Variants in ADGRL2 observed in about 807,000 individuals in gnomAD.
ADGRL2 encodes adhesion G protein-coupled receptor L2.
A neutral mutation model predicts 157.4 loss-of-function variants in ADGRL2; 44 were observed. The ratio of observed to expected loss-of-function variants is 0.28; its 90% CI spans 0.22 to 0.36. The LOEUF (loss-of-function observed/expected upper bound fraction) is 0.36. ADGRL2 is among the 10% of genes least tolerant of loss of function. The pLI is 1.00. For synonymous variants in ADGRL2, 585 were observed against 624.7 expected (o/e 0.94, Z 0.95); for missense variants, 1,510 against 1,768.9 (o/e 0.85, Z 2.63).
chr1:81,911,714 T>C lies in ADGRL2; in HGVS notation c.287+4484T>C, dbSNP rs1405933809. ...TGTGAGTTTCACATGCATAGTTAGG[T>C]CTTTTGCAAAGCAATTCGTAGACAT... On this transcript the variant is annotated intron_variant, in intron 3 of 23. Transcript: ENST00000686636. Among the ~76,000 whole-genome samples the C allele has an allele frequency of 2.0e-5, 3 of 152,304 alleles. No individual in the cohort carries two copies. The East Asian group carries it at 5.8e-4, about 29-fold the overall frequency.
intron 1 of ADGRL2, among the ~76,000 whole-genome samples, chr1:81,744,821 C>T (rs1320388201): frequency 1.3e-5 from 2 of 152,124 alleles, no homozygotes; most frequent in Non-Finnish European, 2.9e-5. Flanking sequence ...TCTAAATTGC[C>T]TCTATTTCCA....
At chr1:81,936,271 A>G (rs1173431091) in intron 3 of ADGRL2, among the ~76,000 whole-genome samples, 1 of 151,910 alleles carries the variant, frequency 6.6e-6, no homozygotes, top group African/African-American at 2.4e-5. Context: ...TGTGTTGTCA[A>G]AAACTTCCTG....
chr1:81,861,259 G>A (rs920467685), intron 2 of ADGRL2, among the ~76,000 whole-genome samples: 3 of 152,070 alleles, frequency 2.0e-5, no homozygotes, highest in Non-Finnish European at 2.9e-5. Context: ...GACCTCAGAT[G>A]ATCCACCCAC....
At chr1:81,319,656 T>C (rs1377272553) in intron 1 of ADGRL2, among the ~76,000 whole-genome samples, 2 of 152,250 alleles carry the variant, frequency 1.3e-5, no homozygotes, top group Non-Finnish European at 2.9e-5. Context: ...AAAATAATTG[T>C]AAGTCAAATT....
intron 1 of ADGRL2, among the ~76,000 whole-genome samples, chr1:81,747,701 TTGTGTGTGTGTGTGTGTG>T (rs10556401): frequency 2.0e-5 from 3 of 147,254 alleles, no homozygotes; most frequent in South Asian, 2.2e-4. Context: ...CCTTTAATGT[TTGTGTGTGTGTGTGTGTG>T]TGTGTGTGTG....
chr1:81,497,753 G>A (rs1394261204), intron 2 of ADGRL2, among the ~76,000 whole-genome samples: 1 of 152,196 alleles, frequency 6.6e-6, no homozygotes, highest in Non-Finnish European at 1.5e-5. Flanking sequence ...GAAGTACCTA[G>A]AACACTACTT....
chr1:81,546,054 T>C (rs1356424618), intron 2 of ADGRL2, among the ~76,000 whole-genome samples: 2 of 150,512 alleles, frequency 1.3e-5, no homozygotes, highest in East Asian at 3.9e-4. Flanking sequence ...CTTAAAAATA[T>C]TTTTTTTTTC....
chr1:81,925,360 A>C (rs1308641320), intron 3 of ADGRL2, among the ~76,000 whole-genome samples: 1 of 152,044 alleles, frequency 6.6e-6, no homozygotes, highest in Admixed American at 6.6e-5. Context: ...TATAAATGAC[A>C]TCAAATATTT....
At chr1:81,485,716 A>G (rs1035941626) in intron 2 of ADGRL2, among the ~76,000 whole-genome samples, 11 of 152,256 alleles carry the variant, frequency 7.2e-5, no homozygotes, top group Admixed American at 3.9e-4. Context: ...GTTGCTAAGA[A>G]ACACTGACCC....
rs1571194937 is a variant in ADGRL2 at position 81,780,453 on chromosome 1, AC to A, written c.-101+18604del. 4.6e-5 allele frequency among the ~76,000 whole-genome samples: 7 copies of A among 152,102 alleles called. No individual in the cohort carries two copies. The East Asian group carries it at 1.2e-3, about 25-fold the overall frequency. Reference sequence around the variant, plus strand: ...GGACCCTTAATGGTGAAAAATCTGGACCCTCTACTCATCTACTGATGAGCAA... The same window carrying A: ...GGACCCTTAATGGTGAAAAATCTGGACCTCTACTCATCTACTGATGAGCAA... On this transcript the variant is annotated intron_variant, in intron 2 of 20. Transcript: ENST00000359929.
chr1:81,419,053 A>G (rs2077081345), intron 1 of ADGRL2, among the ~76,000 whole-genome samples: 1 of 152,208 alleles, frequency 6.6e-6, no homozygotes, highest in East Asian at 1.9e-4. Flanking sequence ...CTGGTTGCAG[A>G]CCAAGCAGCA....
rs1380656471 is a variant in ADGRL2, at chr1:81,842,375, T to TTTTAA, written c.73+5318_73+5319insTTTAA. ...GCGCTTTTTTTTTTTTTTTTTTTTT[T>TTTTAA]AAGATGGAGTCTCACTCTGTCTCCC... On this transcript the variant is annotated intron_variant, in intron 2 of 23. Transcript: ENST00000686636. Among the ~76,000 whole-genome samples, 917 of 139,248 alleles carry TTTTAA rather than the reference T, an allele frequency of 6.6e-3. 31 individuals are homozygous for TTTTAA. Among genetic ancestry groups the TTTTAA allele is most frequent in the African/African-American group, 0.026 (884 of 33,868 alleles). 91.4% of individuals were successfully genotyped at this position (139,248 alleles called of 152,430 possible).
At chr1:81,499,774 T>A (rs921314285) in intron 2 of ADGRL2, among the ~76,000 whole-genome samples, 1 of 152,242 alleles carries the variant, frequency 6.6e-6, no homozygotes, top group Non-Finnish European at 1.5e-5. Context: ...GTATTTGGCT[T>A]ACCTGTTTTA....
intron 2 of ADGRL2, 99 bp downstream of exon 2, chr1:81,837,156 A>T: frequency 1.8e-6 from 1 of 569,466 alleles, no homozygotes; most frequent in South Asian, 3.3e-5. Context: ...TTATTATTTT[A>T]AAAATAGGTG....
At chr1:81,390,817 T>A (rs2076533846) in intron 1 of ADGRL2, among the ~76,000 whole-genome samples, 1 of 152,308 alleles carries the variant, frequency 6.6e-6, no homozygotes, top group Admixed American at 6.5e-5. Flanking sequence ...ATTTAACCAA[T>A]CCACTGTGGA....
At chr1:81,520,248 T>C (rs939860758) in intron 2 of ADGRL2, among the ~76,000 whole-genome samples, 4 of 152,166 alleles carry the variant, frequency 2.6e-5, no homozygotes, top group African/African-American at 7.2e-5. Flanking sequence ...TGTTTTTTAA[T>C]AGAAGCAATA....
chr1:81,875,179 G>A (rs2093806008), intron 2 of ADGRL2, among the ~76,000 whole-genome samples: 2 of 152,066 alleles, frequency 1.3e-5, no homozygotes, highest in Admixed American at 1.3e-4. Flanking sequence ...AGTGATGGTG[G>A]GTCGTTTATA....
intron 4 of ADGRL2, among the ~76,000 whole-genome samples, chr1:81,938,764 A>T (rs2095346320): frequency 6.6e-6 from 1 of 151,296 alleles, no homozygotes; most frequent in South Asian, 2.1e-4. Context: ...ATATTAAAAT[A>T]CAATGCAAAG....
At chr1:81,813,748 G>A (rs1417393167) in intron 1 of ADGRL2, among the ~76,000 whole-genome samples, 3 of 151,594 alleles carry the variant, frequency 2.0e-5, no homozygotes, top group Non-Finnish European at 4.4e-5. Context: ...TATCGTAGCT[G>A]GTTTTTAATA....
Sources: gnomAD v4.1 joint callset for allele counts (sites outside exome capture counted in the v4.1 genomes callset) on GRCh38, gnomAD v4.1.1 for gene constraint, MANE v1.5 for transcripts, NCBI Gene and HGNC (gene_info 2026-07-23, HGNC 2026-07-21) for gene names.